The following UXS1 variants were observed in gnomAD, a reference collection of about 807,000 sequenced individuals.
The protein encoded by UXS1 is UDP-glucuronic acid decarboxylase 1.
In UXS1, 33 loss-of-function variants were observed where a neutral mutation model predicts 62.6. The observed-to-expected ratio is 0.53, with a 90% confidence interval of 0.40 to 0.70. The LOEUF (loss-of-function observed/expected upper bound fraction) is 0.70, where lower values mean the gene tolerates loss of function less well. Ranked by LOEUF, UXS1 falls within the 30% of genes least tolerant of loss-of-function variation. The pLI is 0.00. For synonymous variants in UXS1, 213 were observed against 206.8 expected (o/e 1.03, Z -0.26); for missense variants, 434 against 556.3 (o/e 0.78, Z 2.21).
chr2:106,166,816 C>T (rs565955669), intron 1 of UXS1, among the ~76,000 whole-genome samples: 1 of 152,010 alleles, frequency 6.6e-6, no homozygotes, highest in East Asian at 1.9e-4. Flanking sequence ...CGCCATCACA[C>T]CTAGCTAAGG....
At chr2:106,145,467 G>T in intron 5 of UXS1, 97 bp from the exon 6 acceptor site, 2 of 1,421,012 alleles carry the variant, frequency 1.4e-6, no homozygotes, top group South Asian at 3.0e-5. Context: ...GTGCAGCCAC[G>T]ACTTAAAACT....
intron 1 of UXS1, among the ~76,000 whole-genome samples, chr2:106,177,320 T>C (rs1181810303): frequency 6.6e-6 from 1 of 151,622 alleles, no homozygotes; most frequent in Non-Finnish European, 1.5e-5. Context: ...CTCAGCCTCC[T>C]GAGTAGCTAG....
intron 5 of UXS1, among the ~76,000 whole-genome samples, chr2:106,154,478 C>G (rs1251709565): frequency 6.6e-6 from 1 of 152,154 alleles, no homozygotes; most frequent in Non-Finnish European, 1.5e-5. Context: ...TGCAAAGACC[C>G]ATGTGCTGCT....
intron 5 of UXS1, among the ~76,000 whole-genome samples, chr2:106,146,322 C>A (rs766279522): frequency 6.6e-6 from 1 of 152,064 alleles, no homozygotes; most frequent in Non-Finnish European, 1.5e-5. Context: ...CTGTTTCAAA[C>A]GGAAAGTATT....
chr2:106,170,508 TTA>T (rs1424659106), intron 1 of UXS1, among the ~76,000 whole-genome samples: 14 of 152,224 alleles, frequency 9.2e-5, no homozygotes, highest in African/African-American at 3.1e-4. Flanking sequence ...TTTCTTACAT[TTA>T]TCTCTTGCTT....
intron 1 of UXS1, among the ~76,000 whole-genome samples, chr2:106,185,641 C>A (rs1684507592): frequency 6.6e-6 from 1 of 152,214 alleles, no homozygotes; most frequent in African/African-American, 2.4e-5. Context: ...TGTCCACATT[C>A]CAATTCCTAG....
At position 106,129,664 on chromosome 2, in the gene UXS1, G is replaced by T; in HGVS notation, c.577+10C>A. On this transcript the variant is annotated intron_variant, in intron 7 of 14. Coordinates refer to ENST00000283148, the MANE Select transcript of UXS1 (RefSeq NM_001253875.2). ...GCAACAGCCAAAAAAACAAGAAAAT[G>T]ACAACTTACCCAACATGTTTAATGT... 4 of 1,596,434 alleles carry T rather than the reference G, an allele frequency of 2.5e-6. No homozygotes were observed. The highest frequency in any genetic ancestry group is 2.6e-6 in the Non-Finnish European group (3 of 1,167,700).
chr2:106,140,394 G>A (rs1165995797), intron 6 of UXS1, among the ~76,000 whole-genome samples: 1 of 152,176 alleles, frequency 6.6e-6, no homozygotes, highest in Non-Finnish European at 1.5e-5. Flanking sequence ...TGAAAGCTGA[G>A]AAAAAAATTT....
rs771434021 is a variant in UXS1, at chr2:106,123,036, T to G, written c.693A>C (p.Gly231=). ...TGCCTTCATCGTAGCAGGCCCGAGGTCCTATTGGATTCACGTGGCCCCAGT... is the reference window on the plus strand; with the variant it reads ...TGCCTTCATCGTAGCAGGCCCGAGGGCCTATTGGATTCACGTGGCCCCAGT... The part of the protein sequence containing the change: ...EDYWGHVNPI[G]PRACYDEGKR... Residue 231 remains glycine, a synonymous_variant, in exon 9 of 15, where the codon GGA becomes GGC. Transcript: ENST00000283148. The G allele has an allele frequency of 2.5e-6, 4 of 1,614,000 alleles. No homozygotes were observed. The South Asian group carries it at 4.4e-5, about 18-fold the overall frequency.
intron 6 of UXS1, chr2:106,139,006 A>C: frequency 2.7e-6 from 1 of 376,178 alleles, no homozygotes. Flanking sequence ...GGTAAACAGT[A>C]AGTAACATTA....
chr2:106,163,525 G>C, intron 4 of UXS1, 142 bp downstream of exon 4: 1 of 508,228 alleles, frequency 2.0e-6, no homozygotes, highest in Non-Finnish European at 3.5e-6. Context: ...TGTTCTATCT[G>C]GGTATTACAC....
intron 1 of UXS1, among the ~76,000 whole-genome samples, chr2:106,188,047 T>C (rs1684684366): frequency 6.6e-6 from 1 of 152,194 alleles, no homozygotes; most frequent in Non-Finnish European, 1.5e-5. Flanking sequence ...CAGCCTTAAC[T>C]CTAACTTTCA....
At chr2:106,158,144 G>A (rs1172969667) in intron 4 of UXS1, 26 bp from the exon 5 acceptor site, 1 of 1,525,110 alleles carries the variant, frequency 6.6e-7, no homozygotes, top group African/African-American at 1.4e-5. Context: ...AGATTCAAAA[G>A]GAAAAAGTCA....
At chr2:106,126,607 C>T (rs924549692) in intron 7 of UXS1, among the ~76,000 whole-genome samples, 1 of 152,158 alleles carries the variant, frequency 6.6e-6, no homozygotes, top group African/African-American at 2.4e-5. Flanking sequence ...ATCAGTGTGT[C>T]AGACAATGTA....
intron 9 of UXS1, among the ~76,000 whole-genome samples, chr2:106,120,950 G>C (rs970412156): frequency 3.9e-5 from 6 of 152,194 alleles, no homozygotes; most frequent in African/African-American, 1.4e-4. Flanking sequence ...GCTTCTAACA[G>C]GTATATTACT....
intron 6 of UXS1, among the ~76,000 whole-genome samples, chr2:106,139,655 G>A (rs1425120015): frequency 1.3e-5 from 2 of 152,188 alleles, no homozygotes; most frequent in African/African-American, 4.8e-5. Flanking sequence ...AAAACTGACT[G>A]TAGCTTCCAC....
chr2:106,174,772 C>T (rs879678325), intron 1 of UXS1, among the ~76,000 whole-genome samples: 7 of 152,024 alleles, frequency 4.6e-5, no homozygotes, highest in African/African-American at 1.7e-4. Flanking sequence ...CTAATCACAG[C>T]GTCATGGTAT....
intron 6 of UXS1, among the ~76,000 whole-genome samples, chr2:106,136,903 A>G (rs2104964189): frequency 7.2e-6 from 1 of 139,456 alleles, no homozygotes; most frequent in African/African-American, 2.7e-5. Flanking sequence ...CCTAAAACTT[A>G]AAGTATAATA....
chr2:106,193,899 G>A (rs1454584719), intron 1 of UXS1, among the ~76,000 whole-genome samples: 1 of 152,004 alleles, frequency 6.6e-6, no homozygotes. Flanking sequence ...GGGGCCGCCC[G>A]AGGACTGCTA....
Sources: gnomAD v4.1 joint callset for allele counts (sites outside exome capture counted in the v4.1 genomes callset) on GRCh38, gnomAD v4.1.1 for gene constraint, MANE v1.5 for transcripts, NCBI Gene and HGNC (gene_info 2026-07-23, HGNC 2026-07-21) for gene names.